Variants in RASGRP2 observed in about 807,000 individuals in gnomAD.
RASGRP2 encodes RAS guanyl releasing protein 2, also known as RAS guanyl-releasing protein 2.
RASGRP2 carries 44 observed loss-of-function variants against 71.0 expected under a neutral mutation model. That is an observed-to-expected ratio of 0.62 (90% CI 0.49 to 0.80). The LOEUF (loss-of-function observed/expected upper bound fraction) is 0.80. RASGRP2 is among the 30% of genes least tolerant of loss of function. The probability of loss-of-function intolerance (pLI) is 0.00; values close to 1 mark genes in which losing one functional copy is unlikely to be tolerated. For missense variants in RASGRP2, 663 were observed against 813.4 expected (o/e 0.82, Z 2.25); for synonymous variants, 350 against 330.7 (o/e 1.06, Z -0.63).
intron 12 of RASGRP2, among the ~76,000 whole-genome samples, chr11:64,733,599 G>A (rs1190163201): frequency 6.6e-6 from 1 of 152,110 alleles, no homozygotes; most frequent in Non-Finnish European, 1.5e-5. Context: ...AACTACCTCT[G>A]CCTAAAATCT....
chr11:64,745,036 C>T (rs2058260851), upstream of RASGRP2: 1 of 151,562 alleles, frequency 6.6e-6, no homozygotes, highest in Non-Finnish European at 1.5e-5. Flanking sequence ...GAGGCCAGGG[C>T]CGCGGGCGGG....
In RASGRP2 at chr11:64,739,884, T is replaced by C. The variant is rs138583962; in HGVS notation, c.523-75A>G. On this transcript the variant is annotated intron_variant, in intron 6 of 16. Transcript: ENST00000394432. The surrounding 1 kb of genome is among the most constrained non-coding windows in gnomAD (Gnocchi z 4.2). ...TGATAGCCACTCCTCACCCTCCAGC[T>C]GACCTTCAGTGGTTACACTGAAACC... The C allele has an allele frequency of 4.8e-4, 772 of 1,608,696 alleles. 4 individuals are homozygous for C. The African/African-American group carries it at 8.9e-3, about 19-fold the overall frequency.
chr11:64,734,073 G>T (rs569444058), intron 12 of RASGRP2, among the ~76,000 whole-genome samples: 4 of 151,828 alleles, frequency 2.6e-5, no homozygotes, highest in African/African-American at 9.7e-5. Context: ...GCACTTTGGG[G>T]GGCCAAGGCA....
At chr11:64,738,427 T>C (rs1565513377) in intron 8 of RASGRP2, among the ~76,000 whole-genome samples, 1 of 152,142 alleles carries the variant, frequency 6.6e-6, no homozygotes, top group Non-Finnish European at 1.5e-5. Flanking sequence ...AAACTATTCA[T>C]ATGTTTTTAT....
rs1382763752 is a variant in RASGRP2 at position 64,741,432 on chromosome 11, G to A, written c.239+7C>T. The stretch of plus-strand genomic sequence containing the variant: ...GGAGGGGCTAGAGCCCCAGGGGAAA[G>A]ACTCACCTGACCAGGTGGCACGTTT... On this transcript the variant is annotated splice_region_variant and intron_variant, in intron 4 of 16. Coordinates refer to ENST00000394432, the MANE Select transcript of RASGRP2 (RefSeq NM_001098671.2). The A allele has an allele frequency of 6.5e-7, 1 of 1,549,570 alleles. No individual in the cohort carries two copies. Among genetic ancestry groups the A allele is most frequent in the South Asian group, 1.2e-5 (1 of 84,690 alleles).
At chr11:64,731,170 C>T (rs1433635113) in intron 12 of RASGRP2, among the ~76,000 whole-genome samples, 7 of 152,200 alleles carry the variant, frequency 4.6e-5, no homozygotes, top group Non-Finnish European at 7.3e-5. Flanking sequence ...GCCTGGCCAA[C>T]ATGGCAAAGC....
At chr11:64,740,590 C>T in intron 5 of RASGRP2, 1 of 665,660 alleles carries the variant, frequency 1.5e-6, no homozygotes. Flanking sequence ...GCCCCGAACC[C>T]TCAGAGCCCA....
At chr11:64,740,347 A>C in intron 5 of RASGRP2, 184 bp from the exon 6 acceptor site, 1 of 744,804 alleles carries the variant, frequency 1.3e-6, no homozygotes, top group Non-Finnish European at 2.4e-6. Context: ...TGCACTCAAC[A>C]CACATTTATG....
rs183319764 is a variant in RASGRP2 at position 64,742,981 on chromosome 11, G to C, written c.-71-44C>G. 26 of 1,506,316 alleles carry C rather than the reference G, an allele frequency of 1.7e-5. No individual in the cohort carries two copies. Among genetic ancestry groups the C allele is most frequent in the African/African-American group, 4.2e-5 (3 of 71,650 alleles). 93.3% of individuals were successfully genotyped at this position (1,506,316 alleles called of 1,614,324 possible). A position where few individuals can be genotyped will look rare whatever the true frequency, so the allele number is the denominator to read the frequency against. On this transcript the variant is annotated intron_variant, in intron 1 of 16. Coordinates refer to ENST00000394432, the MANE Select transcript of RASGRP2 (RefSeq NM_001098671.2). The surrounding 1 kb of genome is among the most constrained non-coding windows in gnomAD (Gnocchi z 4.7). ...AGCGGGAGTCTGCGGAGTCGCGGGC[G>C]GGGGAGCGGCCCCGCGGGCAGAAAC...
Position 64,739,452 on chromosome 11 carries a change from TG to T in RASGRP2, c.720del (p.Phe240LeufsTer4), listed in dbSNP as rs759596914. 6.2e-7 allele frequency: 1 copy of T among 1,614,156 alleles called. No individual in the cohort carries two copies. The highest frequency in any genetic ancestry group is 8.5e-7 in the Non-Finnish European group (1 of 1,180,020). The part of the protein sequence containing the change: ...VAEKLLQLQN[F>X]NTLMAVVGGL... ...CCCCCGACCACTGCCATCAGCGTGTTGAAGTTCTGCAGCTGTAGCAGCTTCT... is the reference window on the plus strand; with the variant it reads ...CCCCCGACCACTGCCATCAGCGTGTTAAGTTCTGCAGCTGTAGCAGCTTCT... On this transcript the variant is annotated frameshift_variant, in exon 8 of 17. Transcript: ENST00000394432. LOFTEE classifies it high-confidence loss of function. The surrounding 1 kb of genome is among the most constrained non-coding windows in gnomAD (Gnocchi z 4.2).
At chr11:64,737,193 G>T in intron 8 of RASGRP2, 159 bp from the exon 9 acceptor site, 1 of 836,126 alleles carries the variant, frequency 1.2e-6, no homozygotes, top group Non-Finnish European at 1.9e-6. Flanking sequence ...CAGCCCCTGG[G>T]GATTGAATTC....
Position 64,729,787 on chromosome 11 carries a change from G to A in RASGRP2, c.1566C>T (p.Ile522=). The A allele has an allele frequency of 6.2e-7, 1 of 1,614,178 alleles. No homozygotes were observed. Among genetic ancestry groups the A allele is most frequent in the East Asian group, 2.2e-5 (1 of 44,878 alleles). The part of the protein sequence containing the change: ...CRHCKALILG[I]YKQGLKCRAC... ...CTCGGCATTTGAGGCCCTGCTTGTA[G>A]ATGCCCAGGATCTGCAATAGAGGAG... is the stretch of plus-strand genomic sequence containing the variant. Residue 522 remains isoleucine, a synonymous_variant, in exon 14 of 17, where the codon ATC becomes ATT. Transcript: ENST00000394432.
intron 12 of RASGRP2, 116 bp downstream of exon 12, chr11:64,734,996 T>C: frequency 2.3e-6 from 2 of 859,800 alleles, no homozygotes; most frequent in Non-Finnish European, 3.9e-6. Context: ...CACTGGCAGC[T>C]TCCCAGGCCA....
chr11:64,740,603 G>A (rs2058090148), intron 5 of RASGRP2: 1 of 662,026 alleles, frequency 1.5e-6, no homozygotes. Context: ...AGAGCCCACG[G>A]AGACTTCATG....
chr11:64,741,899 A>G lies in RASGRP2; in HGVS notation c.176+111T>C. The G allele has an allele frequency of 6.4e-6, 6 of 930,840 alleles. No individual in the cohort carries two copies. The South Asian group carries it at 8.4e-5, about 13-fold the overall frequency. 57.7% of individuals were successfully genotyped at this position (930,840 alleles called of 1,614,324 possible). On this transcript the variant is annotated intron_variant, in intron 3 of 16. Coordinates refer to ENST00000394432, the MANE Select transcript of RASGRP2 (RefSeq NM_001098671.2). Reference sequence around the variant, plus strand: ...GCTGGGACGACGCCTGAGCTCTGGGATAAGGAGTGGCCTATACTTAGGAGC... The same window carrying G: ...GCTGGGACGACGCCTGAGCTCTGGGGTAAGGAGTGGCCTATACTTAGGAGC...
rs2058206012 is a variant in RASGRP2 at position 64,743,399 on chromosome 11, T to C, written c.-71-462A>G. ...AGGAATTTCTCCCTGGTATGGGAGG[T>C]GGGGGGAGAGAACCCAGGCGTCCTG... On this transcript the variant is annotated intron_variant, in intron 1 of 16. Transcript: ENST00000394432. This position sits in a 1 kb window ranked among gnomAD's most constrained non-coding sequence, Gnocchi z 4.9. 1 of 367,370 alleles carries C rather than the reference T, an allele frequency of 2.7e-6. No homozygotes were observed. The highest frequency in any genetic ancestry group is 2.2e-5 in the African/African-American group (1 of 45,980). 22.8% of individuals were successfully genotyped at this position (367,370 alleles called of 1,614,324 possible). A position where few individuals can be genotyped will look rare whatever the true frequency, so the allele number is the denominator to read the frequency against.
rs923181949 is a variant in RASGRP2, at chr11:64,742,939, T to C, written c.-71-2A>G. On this transcript the variant is annotated splice_acceptor_variant, in intron 1 of 16. Transcript: ENST00000394432. LOFTEE classifies it low-confidence loss of function (5UTR_SPLICE). The surrounding 1 kb of genome is among the most constrained non-coding windows in gnomAD (Gnocchi z 4.7). ...TCCCACCGGGCTCGGACCGAACCCC[T>C]GTCCCGGGAGAGGCAGAGCGGGAGT... is the stretch of plus-strand genomic sequence containing the variant. The C allele has an allele frequency of 6.5e-7, 1 of 1,532,316 alleles. No homozygotes were observed. The highest frequency in any genetic ancestry group is 2.4e-5 in the East Asian group (1 of 40,904). 94.9% of individuals were successfully genotyped at this position (1,532,316 alleles called of 1,614,324 possible). A position where few individuals can be genotyped will look rare whatever the true frequency, so the allele number is the denominator to read the frequency against.
Position 64,739,986 on chromosome 11 carries a change from C to CCTGA in RASGRP2, c.522+23_522+26dup. 6.2e-7 allele frequency: 1 copy of CCTGA among 1,613,970 alleles called. No individual in the cohort carries two copies. The highest frequency in any genetic ancestry group is 8.5e-7 in the Non-Finnish European group (1 of 1,179,998). On this transcript the variant is annotated intron_variant, in intron 6 of 16. Transcript: ENST00000394432. This position sits in a 1 kb window ranked among gnomAD's most constrained non-coding sequence, Gnocchi z 4.2. ...ACTCTCTTCCAGCCCACATTGGACCCCTGACCCCCCAGCCCTCGGGCCGCA... is the reference window on the plus strand; with the variant it reads ...ACTCTCTTCCAGCCCACATTGGACCCCTGACTGACCCCCCAGCCCTCGGGCCGCA...
Position 64,740,182 on chromosome 11 carries a change from T to C in RASGRP2, c.372-19A>G, listed in dbSNP as rs769433926. On this transcript the variant is annotated intron_variant, in intron 5 of 16. Transcript: ENST00000394432. ...GGTAGGGCTGGGGGGGCAGGGGTAG[T>C]GAGCCCTTTGCTGGACATGCGCATG... The C allele has an allele frequency of 1.2e-6, 2 of 1,613,916 alleles. No individual in the cohort carries two copies. The highest frequency in any genetic ancestry group is 2.2e-5 in the South Asian group (2 of 91,084).
Sources: allele counts gnomAD v4.1 joint callset (sites outside exome capture counted in the v4.1 genomes callset), GRCh38; gene constraint gnomAD v4.1.1; non-coding constraint Gnocchi (gnomAD v3.1); transcripts MANE v1.5; gene names NCBI Gene and HGNC (gene_info 2026-07-23, HGNC 2026-07-21).